IGSF3: variants seen among roughly 807,000 people sequenced by gnomAD.
IGSF3 encodes glu-Trp-Ile EWI motif-containing protein 3.
In IGSF3, 23 loss-of-function variants were observed where a neutral mutation model predicts 114.4. The ratio of observed to expected loss-of-function variants is 0.20; its 90% CI spans 0.14 to 0.28. The LOEUF is 0.28. IGSF3 is among the 10% of genes least tolerant of loss of function. The probability of loss-of-function intolerance (pLI) is 1.00; values close to 1 mark genes in which losing one functional copy is unlikely to be tolerated. For missense variants in IGSF3, 1,172 were observed against 1,591.5 expected (o/e 0.74, Z 4.48); for synonymous variants, 571 against 645.2 (o/e 0.88, Z 1.74).
rs570263748 is a variant in IGSF3 at position 116,594,535 on chromosome 1, C to G, written c.2029+5406G>C. 6.6e-6 allele frequency among the ~76,000 whole-genome samples: 1 copy of G among 152,216 alleles called. No individual in the cohort carries two copies. Among genetic ancestry groups the G allele is most frequent in the Non-Finnish European group, 1.5e-5 (1 of 68,034 alleles). The stretch of plus-strand genomic sequence containing the variant: ...ATTCTAAGCACTTTATAAATATTAA[C>G]TATTTGGTCCTCACCAATCCTATGA... On this transcript the variant is annotated intron_variant, in intron 7 of 10. Transcript: ENST00000369486. The surrounding 1 kb of genome is among the most constrained non-coding windows in gnomAD (Gnocchi z 5.2).
rs368718826 is a variant in IGSF3 at position 116,589,132 on chromosome 1, C to T, written c.2030-28G>A. The T allele has an allele frequency of 8.7e-5, 138 of 1,590,662 alleles. No homozygotes were observed. The East Asian group carries it at 2.8e-3, about 32-fold the overall frequency. Reference sequence around the variant, plus strand: ...GCAAAGGAAAGGGGAACACAGGAATCACCACAGACTCCCAGAAACGTGGCC... The same window carrying T: ...GCAAAGGAAAGGGGAACACAGGAATTACCACAGACTCCCAGAAACGTGGCC... On this transcript the variant is annotated intron_variant, in intron 7 of 10. Transcript: ENST00000369486. This position sits in a 1 kb window ranked among gnomAD's most constrained non-coding sequence, Gnocchi z 5.7.
Position 116,584,803 on chromosome 1 carries a change from G to T in IGSF3, c.2690C>A (p.Ser897Tyr), listed in dbSNP as rs530790201. The stretch of plus-strand genomic sequence containing the variant: ...GATGAAGAGACGGTACACGCCGGGG[G>T]AAGGACTCTCCAAATGCAGCCGCCC... ...LKGRLHLESPSPGVYRLFIQN... is the reference protein window; with the variant it reads ...LKGRLHLESPYPGVYRLFIQN... The change falls in exon 9 of 11, where the codon TCC becomes TAC. Residue 897 changes from serine to tyrosine, a missense_variant. Transcript: ENST00000369486. The surrounding 1 kb of genome is among the most constrained non-coding windows in gnomAD (Gnocchi z 5.8). The T allele has an allele frequency of 6.2e-7, 1 of 1,614,262 alleles. No homozygotes were observed. The highest frequency in any genetic ancestry group is 8.5e-7 in the Non-Finnish European group (1 of 1,180,048).
chr1:116,629,038 G>A lies in IGSF3; in HGVS notation c.44-12581C>T, dbSNP rs141261179. Among the ~76,000 whole-genome samples, 32 of 152,236 alleles carry A rather than the reference G, an allele frequency of 2.1e-4. No individual in the cohort carries two copies. In the East Asian group the frequency reaches 6.2e-3, roughly 29 times the overall value. ...CACAAGACCAAGCTGGAGAGTTCAG[G>A]GACTTCCAAAAGAAGGTACAAGAAT... On this transcript the variant is annotated intron_variant, in intron 2 of 10. Transcript: ENST00000369486. The surrounding 1 kb of genome is among the most constrained non-coding windows in gnomAD (Gnocchi z 4.3).
chr1:116,597,533 A>G (rs1247065897), intron 7 of IGSF3, among the ~76,000 whole-genome samples: 1 of 152,222 alleles, frequency 6.6e-6, no homozygotes, highest in Non-Finnish European at 1.5e-5. Context: ...CCAAAGGGCC[A>G]TAAAAGTATA....
chr1:116,655,766 A>T lies in IGSF3; in HGVS notation c.43+10518T>A, dbSNP rs1372654786. ...ATGGTTGTCATCTTAACAGGTTTCAAACAGGCTTCATTTTAATTTAACATA... is the reference window on the plus strand; with the variant it reads ...ATGGTTGTCATCTTAACAGGTTTCATACAGGCTTCATTTTAATTTAACATA... On this transcript the variant is annotated intron_variant, in intron 2 of 10. Coordinates refer to ENST00000369486, the MANE Select transcript of IGSF3 (RefSeq NM_001007237.3). This position sits in a 1 kb window ranked among gnomAD's most constrained non-coding sequence, Gnocchi z 4.3. 2.0e-5 allele frequency among the ~76,000 whole-genome samples: 3 copies of T among 152,216 alleles called. No homozygotes were observed.
rs527902750 is a variant in IGSF3, at chr1:116,618,069, G to C, written c.44-1612C>G. Among the ~76,000 whole-genome samples the C allele has an allele frequency of 1.1e-4, 16 of 152,374 alleles. No homozygotes were observed. Among genetic ancestry groups the C allele is most frequent in the Middle Eastern group, 3.4e-3 (1 of 294 alleles). ...CAGCCCAGCAGGGGACTGTGCCTCA[G>C]TGTAAGCTAATCTAATCTGCAAGAT... On this transcript the variant is annotated intron_variant, in intron 2 of 10. Coordinates refer to ENST00000369486, the MANE Select transcript of IGSF3 (RefSeq NM_001007237.3). This position sits in a 1 kb window ranked among gnomAD's most constrained non-coding sequence, Gnocchi z 4.7.
rs936403002 is a variant in IGSF3, at chr1:116,575,228, CCTT to C, written c.*2081_*2083del. The C allele has an allele frequency of 2.6e-5, 4 of 152,602 alleles. No homozygotes were observed. The highest frequency in any genetic ancestry group is 2.9e-5 in the Non-Finnish European group (2 of 68,030). The allele number at this position is 152,602 out of a possible 1,614,324, so 9.5% of individuals were successfully genotyped here. The stretch of plus-strand genomic sequence containing the variant: ...TGAAATAAAGAAATGGGGCAAAAGA[CCTT>C]CTTTTTTCATGACTGAGCCGCTCCT... On this transcript the variant is annotated 3_prime_UTR_variant, in exon 11 of 11. Coordinates refer to ENST00000369486, the MANE Select transcript of IGSF3 (RefSeq NM_001007237.3). This position sits in a 1 kb window ranked among gnomAD's most constrained non-coding sequence, Gnocchi z 5.6.
At chr1:116,631,595 T>G (rs1557878914) in intron 2 of IGSF3, among the ~76,000 whole-genome samples, 1 of 152,092 alleles carries the variant, frequency 6.6e-6, no homozygotes, top group Non-Finnish European at 1.5e-5. Flanking sequence ...GAGATGTAGT[T>G]AACAGGCAAG....
Position 116,628,511 on chromosome 1 carries a change from C to T in IGSF3, c.44-12054G>A, listed in dbSNP as rs554622181. ...CTTGACCAGATGGGCATCTGTATTC[C>T]ATTACCCAGCATATAACCACTTTGG... On this transcript the variant is annotated intron_variant, in intron 2 of 10. Transcript: ENST00000369486. The surrounding 1 kb of genome is among the most constrained non-coding windows in gnomAD (Gnocchi z 4.2). Among the ~76,000 whole-genome samples, 1 of 152,228 alleles carries T rather than the reference C, an allele frequency of 6.6e-6. No individual in the cohort carries two copies. The highest frequency in any genetic ancestry group is 1.9e-4 in the East Asian group (1 of 5,184).
In IGSF3 at chr1:116,593,950, C is replaced by T. The variant is rs539964; in HGVS notation, c.2030-4846G>A. ...TCTGCCTCGTGTCCTGTGTGACTTT[C>T]GAATGACATTCATATGGGCAAAAAT... On this transcript the variant is annotated intron_variant, in intron 7 of 10. Transcript: ENST00000369486. The surrounding 1 kb of genome is among the most constrained non-coding windows in gnomAD (Gnocchi z 4.5). Among the ~76,000 whole-genome samples, 55,158 of 152,128 alleles carry T rather than the reference C, an allele frequency of 0.36. 10,494 individuals are homozygous for T. Among genetic ancestry groups the T allele is most frequent in the Non-Finnish European group, 0.41 (27,567 of 67,984 alleles).
chr1:116,604,487 T>C (rs1304620360), intron 5 of IGSF3, among the ~76,000 whole-genome samples: 1 of 152,146 alleles, frequency 6.6e-6, no homozygotes, highest in African/African-American at 2.4e-5. Context: ...ATCCATAATG[T>C]GCCATTTGAG....
At position 116,584,769 on chromosome 1, in the gene IGSF3, C is replaced by T; in HGVS notation, c.2724G>A (p.Val908=). 1.2e-6 allele frequency: 2 copies of T among 1,614,232 alleles called. No homozygotes were observed. The highest frequency in any genetic ancestry group is 1.7e-6 in the Non-Finnish European group (2 of 1,180,030). Residue 908 remains valine, a synonymous_variant, in exon 9 of 11, where the codon GTG becomes GTA. Transcript: ENST00000369486. This position sits in a 1 kb window ranked among gnomAD's most constrained non-coding sequence, Gnocchi z 5.8. Reference sequence around the variant, plus strand: ...TGTAGGTCCCGCTGTCCTGCACAGCCACGTTCTGGATGAAGAGACGGTACA... The same window carrying T: ...TGTAGGTCCCGCTGTCCTGCACAGCTACGTTCTGGATGAAGAGACGGTACA... ...PGVYRLFIQN[V]AVQDSGTYSC...
rs1015954521 is a variant in IGSF3, at chr1:116,583,762, A to G, written c.2848+883T>C. Among the ~76,000 whole-genome samples, 18 of 152,176 alleles carry G rather than the reference A, an allele frequency of 1.2e-4. No individual in the cohort carries two copies. Among genetic ancestry groups the G allele is most frequent in the African/African-American group, 4.3e-4 (18 of 41,450 alleles). On this transcript the variant is annotated intron_variant, in intron 9 of 10. Coordinates refer to ENST00000369486, the MANE Select transcript of IGSF3 (RefSeq NM_001007237.3). This position sits in a 1 kb window ranked among gnomAD's most constrained non-coding sequence, Gnocchi z 4.5. The stretch of plus-strand genomic sequence containing the variant: ...TGCAAAGGACATGGGAATCCTGCAC[A>G]TCGTAGCTTTGATTATGTGTTTAAA...
At chr1:116,587,629 T>C (rs1399784492) in intron 8 of IGSF3, among the ~76,000 whole-genome samples, 2 of 152,128 alleles carry the variant, frequency 1.3e-5, no homozygotes, top group Non-Finnish European at 1.5e-5. Context: ...ACAGAAGAAA[T>C]GCAAACCATT....
At position 116,585,265 on chromosome 1, in the gene IGSF3, AC is replaced by A. The variant is rs1335365463; in HGVS notation, c.2441-214del. 6.6e-6 allele frequency among the ~76,000 whole-genome samples: 1 copy of A among 152,182 alleles called. No homozygotes were observed. The highest frequency in any genetic ancestry group is 2.4e-5 in the African/African-American group (1 of 41,438). ...CCTGGGTTTCAAGGAGCTCAATGTT[AC>A]AATAACAGCTGTCCCAAAGTCGTAG... On this transcript the variant is annotated intron_variant, in intron 8 of 10. Transcript: ENST00000369486. This position sits in a 1 kb window ranked among gnomAD's most constrained non-coding sequence, Gnocchi z 4.9.
rs942725930 is a variant in IGSF3 at position 116,665,979 on chromosome 1, A to C, written c.43+305T>G. On this transcript the variant is annotated intron_variant, in intron 2 of 10. Transcript: ENST00000369486. The surrounding 1 kb of genome is among the most constrained non-coding windows in gnomAD (Gnocchi z 4.0). ...CATGTTTGACATGCTACAAGACAGC[A>C]GCCCACCAGCCATGTGAAGTCCCTA... is the stretch of plus-strand genomic sequence containing the variant. Among the ~76,000 whole-genome samples the C allele has an allele frequency of 6.6e-6, 1 of 152,256 alleles. No individual in the cohort carries two copies. The highest frequency in any genetic ancestry group is 2.4e-5 in the African/African-American group (1 of 41,472).
chr1:116,646,804 T>C (rs1648396886), intron 2 of IGSF3: 1 of 152,238 alleles, frequency 6.6e-6, no homozygotes, highest in Non-Finnish European at 1.5e-5. Context: ...CAAGTGATGC[T>C]AACTTGCTAA....
At chr1:116,631,272 C>T (rs1191870667) in intron 2 of IGSF3, among the ~76,000 whole-genome samples, 1 of 143,108 alleles carries the variant, frequency 7.0e-6, no homozygotes, top group African/African-American at 2.7e-5. Context: ...GAGCCGAGAT[C>T]GCACCACTGC....
chr1:116,588,627 C>CA lies in IGSF3; in HGVS notation c.2440+66dup. The CA allele has an allele frequency of 7.1e-7, 1 of 1,402,782 alleles. No homozygotes were observed. 86.9% of individuals were successfully genotyped at this position (1,402,782 alleles called of 1,614,324 possible). ...TCTCCACACCAGCCCCACAGATCCCCACCCACCCCCAGGCAGTCTCTGCAC... is the reference window on the plus strand; with the variant it reads ...TCTCCACACCAGCCCCACAGATCCCCAACCCACCCCCAGGCAGTCTCTGCAC... On this transcript the variant is annotated intron_variant, in intron 8 of 10. Transcript: ENST00000369486. This position sits in a 1 kb window ranked among gnomAD's most constrained non-coding sequence, Gnocchi z 4.9.
Sources: allele counts gnomAD v4.1 joint callset (sites outside exome capture counted in the v4.1 genomes callset), GRCh38; gene constraint gnomAD v4.1.1; non-coding constraint Gnocchi (gnomAD v3.1); transcripts MANE v1.5; gene names NCBI Gene and HGNC (gene_info 2026-07-23, HGNC 2026-07-21).